The following LRRC39 variants were observed in gnomAD, a reference collection of about 807,000 sequenced individuals.
The protein encoded by LRRC39 is leucine rich repeat containing 39, also known as leucine-rich repeat-containing protein 39.
A neutral mutation model predicts 39.7 loss-of-function variants in LRRC39; 35 were observed. The ratio of observed to expected loss-of-function variants is 0.88; its 90% CI spans 0.67 to 1.17. The LOEUF (loss-of-function observed/expected upper bound fraction) is 1.17, where lower values mean the gene tolerates loss of function less well. LRRC39 is among the 50% of genes most tolerant of loss of function. The pLI is 0.00. For missense variants in LRRC39, 357 were observed against 385.8 expected (o/e 0.93, Z 0.62); for synonymous variants, 113 against 134.1 (o/e 0.84, Z 1.09).
upstream of LRRC39, among the ~76,000 whole-genome samples, chr1:100,178,933 CTA>C (rs1660120149): frequency 6.6e-6 from 1 of 152,048 alleles, no homozygotes; most frequent in Non-Finnish European, 1.5e-5. Context: ...CAAAGATGGT[CTA>C]TGAATTTACG....
At chr1:100,175,860 A>G (rs1299281699) in intron 1 of LRRC39, among the ~76,000 whole-genome samples, 4 of 152,254 alleles carry the variant, frequency 2.6e-5, no homozygotes, top group Non-Finnish European at 5.9e-5. Context: ...CAGAATGGCT[A>G]AAATTCAAAA....
At position 100,168,466 on chromosome 1, in the gene LRRC39, A is replaced by G. The variant is rs775444212; in HGVS notation, c.51T>C (p.Val17=). ...TGAGTTTCTTTATTCTTTTTTCCCA[A>G]ACTTCCTTTACAGCATTGACAGCCC... ...CTGAVNAVKE[V]WEKRIKKLNE... is the part of the protein sequence containing the mutation. Residue 17 remains valine (V), a synonymous_variant, in exon 3 of 10, where the codon GTT becomes GTC. Transcript: ENST00000370137. 1 of 1,612,132 alleles carries G rather than the reference A, an allele frequency of 6.2e-7. No homozygotes were observed. The highest frequency in any genetic ancestry group is 8.5e-7 in the Non-Finnish European group (1 of 1,179,526).
chr1:100,172,876 C>T (rs1382127102), intron 2 of LRRC39, among the ~76,000 whole-genome samples: 4 of 151,056 alleles, frequency 2.6e-5, no homozygotes, highest in African/African-American at 4.9e-5. Context: ...AGGAGAATGG[C>T]GTGAACCTGG....
rs762708286 is a variant in LRRC39 at position 100,149,470 on chromosome 1, T to A, written c.953-373A>T. 6.6e-6 allele frequency: 10 copies of A among 1,523,076 alleles called. 1 individual carries two copies. In the South Asian group the frequency reaches 1.3e-4, roughly 19 times the overall value. 94.3% of individuals were successfully genotyped at this position (1,523,076 alleles called of 1,614,324 possible). On this transcript the variant is annotated intron_variant, in intron 9 of 9. Transcript: ENST00000370137. ...AAGAAAAAAGATTATTTCACTTAAT[T>A]ATTTTGTTGGATAATTGTCTAGTTA...
intron 2 of LRRC39, among the ~76,000 whole-genome samples, chr1:100,173,000 C>A (rs1570781224): frequency 6.7e-6 from 1 of 148,708 alleles, no homozygotes; most frequent in South Asian, 2.1e-4. Flanking sequence ...GAGCCAAGAT[C>A]ATGCCACTGC....
intron 1 of LRRC39, among the ~76,000 whole-genome samples, chr1:100,174,763 T>C (rs778895814): frequency 6.6e-6 from 1 of 152,208 alleles, no homozygotes; most frequent in Non-Finnish European, 1.5e-5. Flanking sequence ...TAGAGAACAC[T>C]TTTTAAAACA....
intron 7 of LRRC39, 32 bp from the exon 8 acceptor site, chr1:100,155,235 A>G (rs1198474039): frequency 6.6e-7 from 1 of 1,504,562 alleles, no homozygotes; most frequent in Admixed American, 2.3e-5. Context: ...AATTAATTAC[A>G]TATAATATGA....
chr1:100,177,811 T>G (rs1557931958), intron 1 of LRRC39, among the ~76,000 whole-genome samples: 1 of 152,192 alleles, frequency 6.6e-6, no homozygotes, highest in Non-Finnish European at 1.5e-5. Context: ...AATAATGATA[T>G]ATTTCTTCCT....
At chr1:100,174,196 A>G (rs2784173) in intron 1 of LRRC39, among the ~76,000 whole-genome samples, 120,430 of 152,218 alleles carry the variant, frequency 0.79, 48,882 homozygotes, top group East Asian at 0.95. Context: ...AAGCTATGGT[A>G]CTAGATAATG....
intron 3 of LRRC39, among the ~76,000 whole-genome samples, chr1:100,162,814 A>T (rs1658986711): frequency 6.6e-6 from 1 of 152,222 alleles, no homozygotes; most frequent in South Asian, 2.1e-4. Context: ...CATGAAGTTT[A>T]ACTAATTTGA....
chr1:100,172,731 C>A (rs1054870484), intron 2 of LRRC39, among the ~76,000 whole-genome samples: 1 of 151,834 alleles, frequency 6.6e-6, no homozygotes, highest in African/African-American at 2.4e-5. Flanking sequence ...GAGGCCGAGG[C>A]GGGGGGATCA....
Position 100,168,528 on chromosome 1 carries a change from A to G in LRRC39, c.-12T>C, listed in dbSNP as rs900549649. The G allele has an allele frequency of 1.9e-6, 3 of 1,592,872 alleles. No individual in the cohort carries two copies. Among genetic ancestry groups the G allele is most frequent in the Admixed American group, 3.5e-5 (2 of 57,940 alleles). ...ACATTTTCTGTCATGATTTCTCCAC[A>G]TTGTCATAGTCACCAACTTCATTAG... On this transcript the variant is annotated 5_prime_UTR_variant, in exon 3 of 10. It removes an upstream start codon present in the reference 5' UTR. Coordinates refer to ENST00000370137, the MANE Select transcript of LRRC39 (RefSeq NM_144620.4).
chr1:100,151,055 A>G (rs1389675678), intron 9 of LRRC39, among the ~76,000 whole-genome samples: 1 of 139,990 alleles, frequency 7.1e-6, no homozygotes, highest in Non-Finnish European at 1.5e-5. Flanking sequence ...TGAACCTGGG[A>G]GGCGAAATTT....
chr1:100,161,870 C>T (rs573895550), intron 3 of LRRC39, among the ~76,000 whole-genome samples: 110 of 152,256 alleles, frequency 7.2e-4, no homozygotes, highest in Middle Eastern at 3.4e-3. Context: ...TGGTCTCAAA[C>T]CCCTAAACTC....
chr1:100,166,179 T>C (rs1305401641), intron 3 of LRRC39, among the ~76,000 whole-genome samples: 4 of 151,970 alleles, frequency 2.6e-5, no homozygotes, highest in Non-Finnish European at 4.4e-5. Flanking sequence ...AAACCTCTTT[T>C]CTTTATAAAT....
chr1:100,149,337 TAATA>T, intron 9 of LRRC39: 1 of 1,542,920 alleles, frequency 6.5e-7, no homozygotes, highest in Non-Finnish European at 8.7e-7. Flanking sequence ...TATTCACAAT[TAATA>T]AACACAATTA....
intron 5 of LRRC39, among the ~76,000 whole-genome samples, chr1:100,158,710 A>C (rs1305344499): frequency 6.6e-6 from 1 of 152,200 alleles, no homozygotes; most frequent in Non-Finnish European, 1.5e-5. Context: ...TGCTGGGATT[A>C]CAGGCGTGAG....
At chr1:100,174,780 A>C (rs1353668425) in intron 1 of LRRC39, among the ~76,000 whole-genome samples, 1 of 152,250 alleles carries the variant, frequency 6.6e-6, no homozygotes, top group African/African-American at 2.4e-5. Flanking sequence ...AACAGAATAC[A>C]AAGCATATCC....
At chr1:100,166,453 G>A (rs1659250460) in intron 3 of LRRC39, among the ~76,000 whole-genome samples, 1 of 152,208 alleles carries the variant, frequency 6.6e-6, no homozygotes, top group South Asian at 2.1e-4. Context: ...CCAGGCTGAG[G>A]TGATCGCAGA....
Sources: allele counts gnomAD v4.1 joint callset (sites outside exome capture counted in the v4.1 genomes callset), GRCh38; gene constraint gnomAD v4.1.1; transcripts MANE v1.5; gene names NCBI Gene and HGNC (gene_info 2026-07-23, HGNC 2026-07-21).